The following FARS2 variants were observed in gnomAD, a reference collection of about 807,000 sequenced individuals.
FARS2 encodes the protein phenylalanine--tRNA ligase, mitochondrial.
FARS2 carries 40 observed loss-of-function variants against 46.4 expected under a neutral mutation model. That is an observed-to-expected ratio of 0.86 (90% CI 0.67 to 1.12). The LOEUF (loss-of-function observed/expected upper bound fraction) is 1.12. FARS2 is among the 50% of genes most tolerant of loss of function. The pLI is 0.00. For missense variants in FARS2, 513 were observed against 567.9 expected (o/e 0.90, Z 0.98); for synonymous variants, 234 against 214.9 (o/e 1.09, Z -0.78).
intron 6 of FARS2, among the ~76,000 whole-genome samples, chr6:5,739,888 G>A (rs534594093): frequency 2.0e-4 from 30 of 152,264 alleles, no homozygotes; most frequent in Non-Finnish European, 2.6e-4. Flanking sequence ...CTGCCACCCC[G>A]CTAAACACAC....
intron 4 of FARS2, among the ~76,000 whole-genome samples, chr6:5,475,819 T>G (rs985259623): frequency 6.6e-6 from 1 of 152,020 alleles, no homozygotes; most frequent in African/African-American, 2.4e-5. Context: ...TCTCCCAACC[T>G]CCAATTCCCC....
intron 5 of FARS2, among the ~76,000 whole-genome samples, chr6:5,604,463 G>GCT (rs1774714336): frequency 1.3e-5 from 2 of 152,184 alleles, no homozygotes; most frequent in Non-Finnish European, 2.9e-5. Flanking sequence ...CCTGTGGAAA[G>GCT]GCAGGGGTGG....
chr6:5,348,306 A>G (rs1757364110), intron 1 of FARS2, among the ~76,000 whole-genome samples: 1 of 151,762 alleles, frequency 6.6e-6, no homozygotes, highest in African/African-American at 2.4e-5. Flanking sequence ...ACTAGTCTTT[A>G]CATTTAGGTC....
intron 1 of FARS2, among the ~76,000 whole-genome samples, chr6:5,312,784 G>A (rs926330431): frequency 3.9e-5 from 6 of 152,204 alleles, no homozygotes; most frequent in African/African-American, 1.4e-4. Context: ...AGTGCTGGAG[G>A]CACAGTGTTG....
At chr6:5,711,224 T>C (rs1759126911) in intron 6 of FARS2, among the ~76,000 whole-genome samples, 1 of 152,154 alleles carries the variant, frequency 6.6e-6, no homozygotes, top group Non-Finnish European at 1.5e-5. Flanking sequence ...AATAGAGTGC[T>C]GGATTATAAC....
At chr6:5,732,960 G>A (rs1272597112) in intron 6 of FARS2, among the ~76,000 whole-genome samples, 1 of 152,108 alleles carries the variant, frequency 6.6e-6, no homozygotes, top group Non-Finnish European at 1.5e-5. Flanking sequence ...GACAGTCCTG[G>A]CCCCAAGCCC....
At chr6:5,463,865 C>G (rs1162479720) in intron 4 of FARS2, among the ~76,000 whole-genome samples, 3 of 152,200 alleles carry the variant, frequency 2.0e-5, no homozygotes, top group African/African-American at 7.2e-5. Flanking sequence ...GATTTCCTCT[C>G]TCCCCTTCTC....
chr6:5,250,662 G>C, the FARS2 span, among the ~76,000 whole-genome samples: 4 of 152,170 alleles, frequency 2.6e-5, no homozygotes, highest in African/African-American at 9.7e-5. Context: ...GGTAACAATA[G>C]TTCTTTGTAA....
chr6:5,385,115 G>T lies in FARS2; in HGVS notation c.612+15933G>T, dbSNP rs1760033807. Among the ~76,000 whole-genome samples the T allele has an allele frequency of 3.9e-5, 6 of 152,172 alleles. No individual in the cohort carries two copies. In the South Asian group the frequency reaches 1.2e-3, roughly 31 times the overall value. ...CCCATAGAGACCTTAGGACAGAGTTGTATTTAACTGGGCCCTTGAAACACA... is the reference window on the plus strand; with the variant it reads ...CCCATAGAGACCTTAGGACAGAGTTTTATTTAACTGGGCCCTTGAAACACA... On this transcript the variant is annotated intron_variant, in intron 2 of 6. Transcript: ENST00000274680.
At chr6:5,355,845 T>C (rs1156668105) in intron 1 of FARS2, among the ~76,000 whole-genome samples, 1 of 152,176 alleles carries the variant, frequency 6.6e-6, no homozygotes, top group Non-Finnish European at 1.5e-5. Context: ...CCTACTATGA[T>C]CAATTTCTTG....
chr6:5,576,574 TCTATG>T (rs1772980204), intron 5 of FARS2, among the ~76,000 whole-genome samples: 1 of 145,910 alleles, frequency 6.9e-6, no homozygotes, highest in Non-Finnish European at 1.5e-5. Context: ...AGAGTATATA[TCTATG>T]ATATATACTC....
intron 1 of FARS2, among the ~76,000 whole-genome samples, chr6:5,318,178 G>A (rs535260401): frequency 8.5e-5 from 13 of 152,144 alleles, no homozygotes; most frequent in African/African-American, 3.1e-4. Flanking sequence ...GGCCAATATG[G>A]TGAAACCCCA....
intron 1 of FARS2, among the ~76,000 whole-genome samples, chr6:5,280,516 GT>G (rs2127852740): frequency 6.6e-6 from 1 of 152,276 alleles, no homozygotes; most frequent in Admixed American, 6.5e-5. Context: ...GGTGTTTCAA[GT>G]TTAATGAGAC....
intron 6 of FARS2, among the ~76,000 whole-genome samples, chr6:5,628,485 C>T (rs1211341802): frequency 1.3e-5 from 2 of 152,238 alleles, no homozygotes; most frequent in African/African-American, 4.8e-5. Flanking sequence ...GGAGCCTCCA[C>T]GTTGGCAGAG....
At chr6:5,342,591 A>G (rs1275278375) in intron 1 of FARS2, among the ~76,000 whole-genome samples, 2 of 152,082 alleles carry the variant, frequency 1.3e-5, no homozygotes, top group African/African-American at 2.4e-5. Context: ...TGTCTCTACT[A>G]AAAATACAAA....
chr6:5,335,430 T>G (rs1397371621), intron 1 of FARS2, among the ~76,000 whole-genome samples: 2 of 152,228 alleles, frequency 1.3e-5, no homozygotes, highest in African/African-American at 4.8e-5. Flanking sequence ...TGATGGACTC[T>G]TTTTCATCTT....
At chr6:5,662,358 T>C (rs1025846337) in intron 6 of FARS2, among the ~76,000 whole-genome samples, 4 of 152,232 alleles carry the variant, frequency 2.6e-5, no homozygotes, top group Admixed American at 2.6e-4. Flanking sequence ...ATGTAATTTA[T>C]GAAATCCAAC....
At chr6:5,691,822 G>T (rs112116670) in intron 6 of FARS2, among the ~76,000 whole-genome samples, 25 of 152,328 alleles carry the variant, frequency 1.6e-4, no homozygotes, top group African/African-American at 5.5e-4. Context: ...TCCTTGAGCT[G>T]CAGTGGGCTC....
intron 1 of FARS2, among the ~76,000 whole-genome samples, chr6:5,322,562 CT>C (rs1259282827): frequency 1.3e-5 from 2 of 151,988 alleles, no homozygotes; most frequent in African/African-American, 2.4e-5. Flanking sequence ...AGCATGTATT[CT>C]TTTTCTTTTT....
Sources: allele counts gnomAD v4.1 joint callset (sites outside exome capture counted in the v4.1 genomes callset), GRCh38; gene constraint gnomAD v4.1.1; transcripts MANE v1.5; gene names NCBI Gene and HGNC (gene_info 2026-07-23, HGNC 2026-07-21).